Variants in ADGRV1 observed in about 807,000 individuals in gnomAD.
The protein encoded by ADGRV1 is adhesion G protein-coupled receptor V1, also known as G-protein coupled receptor 98.
A neutral mutation model predicts 596.2 loss-of-function variants in ADGRV1; 359 were observed. The ratio of observed to expected loss-of-function variants is 0.60; its 90% CI spans 0.55 to 0.66. The LOEUF is 0.66. ADGRV1 is among the 30% of genes least tolerant of loss of function. The pLI is 0.00. For missense variants in ADGRV1, 7,274 were observed against 7,575.6 expected (o/e 0.96, Z 1.48); for synonymous variants, 2,681 against 2,679.2 (o/e 1.00, Z -0.02).
chr5:90,962,337 T>G (rs1255587379), intron 83 of ADGRV1, among the ~76,000 whole-genome samples: 2 of 152,248 alleles, frequency 1.3e-5, no homozygotes, highest in African/African-American at 4.8e-5. Flanking sequence ...TCATACTGAA[T>G]AAATCAATGT....
intron 85 of ADGRV1, among the ~76,000 whole-genome samples, chr5:90,999,838 G>A (rs192677134): frequency 6.6e-6 from 1 of 152,168 alleles, no homozygotes; most frequent in African/African-American, 2.4e-5. Context: ...GGGAATACCT[G>A]CAAATGTAAG....
intron 25 of ADGRV1, chr5:90,676,678 G>A (rs1203357532): frequency 3.2e-5 from 5 of 154,128 alleles, no homozygotes; most frequent in African/African-American, 4.8e-5. Flanking sequence ...AAGTATAAGT[G>A]TACTAAGTCA....
At chr5:90,631,039 C>T (rs1765433865) in intron 9 of ADGRV1, among the ~76,000 whole-genome samples, 1 of 152,096 alleles carries the variant, frequency 6.6e-6, no homozygotes, top group South Asian at 2.1e-4. Flanking sequence ...GTAAGGTAAA[C>T]TTTTTGAGTC....
At chr5:90,644,577 A>C in intron 14 of ADGRV1, 129 bp from the exon 15 acceptor site, 1 of 697,064 alleles carries the variant, frequency 1.4e-6, no homozygotes, top group Non-Finnish European at 2.4e-6. Context: ...AAACTGTGCT[A>C]AGCAAATAGT....
intron 85 of ADGRV1, among the ~76,000 whole-genome samples, chr5:91,062,792 T>C (rs1787556447): frequency 6.6e-6 from 1 of 152,162 alleles, no homozygotes; most frequent in Admixed American, 6.5e-5. Flanking sequence ...TTGCTGGTTC[T>C]TCAGGCTGTT....
rs1346303920 is a variant in ADGRV1, at chr5:90,756,578, T to C, written c.11705T>C (p.Met3902Thr). 1 of 1,613,628 alleles carries C rather than the reference T, an allele frequency of 6.2e-7. No homozygotes were observed. Among genetic ancestry groups the C allele is most frequent in the East Asian group, 2.2e-5 (1 of 44,872 alleles). The change falls in exon 56 of 90, where the codon ATG becomes ACG. Residue 3902 changes from methionine (M) to threonine (T), a missense_variant. This residue lies in a region of ADGRV1 where 3,643 missense variants were observed against 3,809.2 expected (regional missense o/e 0.96). Transcript: ENST00000405460. ...CCCGGAATGGAAATAGCTGAGATAA[T>C]GATAGAAGAAAATGACGATCCCAGA... Reference protein sequence around the residue: ...RRPGMEIAEIMIEENDDPRGI... With the variant: ...RRPGMEIAEITIEENDDPRGI...
At chr5:91,121,547 C>T (rs977720382) in intron 87 of ADGRV1, among the ~76,000 whole-genome samples, 9 of 152,084 alleles carry the variant, frequency 5.9e-5, no homozygotes, top group African/African-American at 1.9e-4. Flanking sequence ...GTGTGAGAGT[C>T]GGGCCAGAAG....
chr5:90,876,402 A>G (rs1769223006), intron 83 of ADGRV1, among the ~76,000 whole-genome samples: 1 of 152,198 alleles, frequency 6.6e-6, no homozygotes, highest in Middle Eastern at 3.2e-3. Flanking sequence ...ATATAAAAAT[A>G]TCCATGTAGG....
chr5:91,116,232 T>TA (rs1447666340), intron 87 of ADGRV1, among the ~76,000 whole-genome samples: 2 of 152,204 alleles, frequency 1.3e-5, no homozygotes, highest in African/African-American at 4.8e-5. Context: ...GCAAATATTT[T>TA]AAATAATGTT....
At chr5:90,923,014 A>G (rs746798098) in intron 83 of ADGRV1, among the ~76,000 whole-genome samples, 13 of 144,362 alleles carry the variant, frequency 9.0e-5, no homozygotes, top group Non-Finnish European at 1.5e-4. Context: ...TGTCTTATCT[A>G]ATGGTCCTAT....
At chr5:90,748,813 G>GT (rs10700327) in intron 52 of ADGRV1, among the ~76,000 whole-genome samples, 33,642 of 142,302 alleles carry the variant, frequency 0.24, 4,176 homozygotes, top group East Asian at 0.34. Flanking sequence ...CTATCATCAA[G>GT]TTTTTTTTTG....
At chr5:90,766,101 G>C (rs907430559) in intron 59 of ADGRV1, among the ~76,000 whole-genome samples, 13 of 152,132 alleles carry the variant, frequency 8.5e-5, no homozygotes, top group African/African-American at 3.1e-4. Flanking sequence ...TAGTGAGACA[G>C]GGTTTCACTG....
At chr5:91,079,240 C>T (rs1789121821) in intron 86 of ADGRV1, among the ~76,000 whole-genome samples, 1 of 152,120 alleles carries the variant, frequency 6.6e-6, no homozygotes, top group African/African-American at 2.4e-5. Flanking sequence ...TAAGGAAAAC[C>T]CCAGCTTCTC....
intron 59 of ADGRV1, among the ~76,000 whole-genome samples, chr5:90,767,404 A>G (rs867782659): frequency 6.6e-5 from 10 of 152,350 alleles, no homozygotes; most frequent in Middle Eastern, 3.4e-3. Flanking sequence ...TGATTCATAA[A>G]TTAAAAAACT....
At chr5:91,035,876 T>TAATATATATA in intron 85 of ADGRV1, among the ~76,000 whole-genome samples, 1 of 138,940 alleles carries the variant, frequency 7.2e-6, no homozygotes, top group East Asian at 2.0e-4. Context: ...TATATATATA[T>TAATATATATA]ATATATCTTA....
chr5:90,828,529 A>G (rs1221834805), intron 76 of ADGRV1, among the ~76,000 whole-genome samples: 3 of 152,180 alleles, frequency 2.0e-5, no homozygotes, highest in African/African-American at 7.2e-5. Context: ...GTATCATTCT[A>G]TACATATCAT....
intron 21 of ADGRV1, among the ~76,000 whole-genome samples, chr5:90,670,570 A>T (rs1013887786): frequency 2.0e-5 from 3 of 152,128 alleles, no homozygotes; most frequent in Non-Finnish European, 4.4e-5. Flanking sequence ...GTGAAATCAG[A>T]GTGAGGCTCT....
intron 83 of ADGRV1, among the ~76,000 whole-genome samples, chr5:90,879,042 G>A (rs1769492012): frequency 6.6e-6 from 1 of 152,156 alleles, no homozygotes; most frequent in African/African-American, 2.4e-5. Flanking sequence ...GTGGAAGTAA[G>A]GTCACAGGGT....
intron 59 of ADGRV1, among the ~76,000 whole-genome samples, chr5:90,766,111 G>A (rs1049921691): frequency 1.6e-4 from 24 of 152,060 alleles, no homozygotes; most frequent in Non-Finnish European, 2.2e-4. Flanking sequence ...GGGTTTCACT[G>A]TGTTAGCCAG....
Sources: allele counts gnomAD v4.1 joint callset (sites outside exome capture counted in the v4.1 genomes callset), GRCh38; gene constraint gnomAD v4.1.1; regional missense constraint gnomAD v4.1.1; transcripts MANE v1.5; gene names NCBI Gene and HGNC (gene_info 2026-07-23, HGNC 2026-07-21).